SPAG16: variants seen among roughly 807,000 people sequenced by gnomAD.
SPAG16 encodes the protein sperm-associated antigen 16 protein.
SPAG16 carries 86 observed loss-of-function variants against 80.4 expected under a neutral mutation model. That is an observed-to-expected ratio of 1.07 (90% CI 0.90 to 1.28). The LOEUF is 1.28. Among genes scored for constraint, SPAG16 ranks in the 50% most tolerant of loss-of-function variants. The pLI is 0.00. For synonymous variants in SPAG16, 294 were observed against 265.9 expected, an observed-to-expected ratio of 1.11 and a Z score of -1.03; for missense variants, 870 against 765.3, an observed-to-expected ratio of 1.14 and a Z score of -1.61.
At chr2:213,528,468 G>A (rs577135712) in intron 10 of SPAG16, among the ~76,000 whole-genome samples, 1 of 152,202 alleles carries the variant, frequency 6.6e-6, no homozygotes, top group African/African-American at 2.4e-5. Context: ...AGATGTGTGT[G>A]TGTGTTCTAT....
intron 15 of SPAG16, among the ~76,000 whole-genome samples, chr2:214,279,211 C>T (rs187442237): frequency 6.6e-6 from 1 of 151,968 alleles, no homozygotes; most frequent in Non-Finnish European, 1.5e-5. Flanking sequence ...ATTCTCCTGC[C>T]TCAGCCTCCC....
At chr2:213,608,498 T>A (rs1017788578) in intron 10 of SPAG16, among the ~76,000 whole-genome samples, 1 of 152,242 alleles carries the variant, frequency 6.6e-6, no homozygotes, top group Non-Finnish European at 1.5e-5. Context: ...ACAAAGGACA[T>A]GAACTCATCA....
At chr2:214,310,357 T>A (rs1043782498) in intron 15 of SPAG16, among the ~76,000 whole-genome samples, 1 of 152,186 alleles carries the variant, frequency 6.6e-6, no homozygotes, top group African/African-American at 2.4e-5. Flanking sequence ...ATTCTGCTTG[T>A]TGTAGCTATA....
chr2:213,779,786 C>T (rs915154934), intron 10 of SPAG16, among the ~76,000 whole-genome samples: 3 of 152,038 alleles, frequency 2.0e-5, no homozygotes, highest in African/African-American at 4.8e-5. Context: ...TGAATCATAA[C>T]GATGATGTAA....
At chr2:213,913,896 G>A (rs1381803730) in intron 11 of SPAG16, among the ~76,000 whole-genome samples, 3 of 151,906 alleles carry the variant, frequency 2.0e-5, no homozygotes, top group Non-Finnish European at 2.9e-5. Flanking sequence ...TCTTATTTGG[G>A]GACCTTAGTG....
intron 14 of SPAG16, among the ~76,000 whole-genome samples, chr2:214,112,734 C>T (rs905005877): frequency 6.9e-6 from 1 of 145,836 alleles, no homozygotes; most frequent in African/African-American, 2.5e-5. Flanking sequence ...TGAGATGGGT[C>T]TCCTGAATAC....
chr2:213,688,767 A>G (rs2064806130), intron 10 of SPAG16, among the ~76,000 whole-genome samples: 1 of 151,990 alleles, frequency 6.6e-6, no homozygotes, highest in South Asian at 2.1e-4. Flanking sequence ...ATTGTTTTGA[A>G]TTCTATGCCT....
chr2:213,587,468 G>T (rs2060513138), intron 10 of SPAG16, among the ~76,000 whole-genome samples: 1 of 152,166 alleles, frequency 6.6e-6, no homozygotes, highest in Non-Finnish European at 1.5e-5. Flanking sequence ...CTTTGAAGTT[G>T]TTCTGCCCTA....
chr2:213,749,057 G>A (rs921507329), intron 10 of SPAG16, among the ~76,000 whole-genome samples: 1 of 152,108 alleles, frequency 6.6e-6, no homozygotes, highest in Non-Finnish European at 1.5e-5. Flanking sequence ...TGAGGCAGGA[G>A]CATTGCTTGA....
At chr2:213,393,647 A>G (rs971128053) in intron 9 of SPAG16, among the ~76,000 whole-genome samples, 7 of 152,006 alleles carry the variant, frequency 4.6e-5, no homozygotes, top group Non-Finnish European at 1.0e-4. Flanking sequence ...ACACAAACCT[A>G]GGGGTGGAAT....
At position 213,637,646 on chromosome 2, in the gene SPAG16, C is replaced by CT. The variant is rs904097078; in HGVS notation, c.1070+147564dup. 1.4e-4 allele frequency among the ~76,000 whole-genome samples: 22 copies of CT among 151,910 alleles called. No individual in the cohort carries two copies. The South Asian group carries it at 1.7e-3, about 11-fold the overall frequency. On this transcript the variant is annotated intron_variant, in intron 10 of 15. Transcript: ENST00000331683. ...TTGTTATTGGTCTGTTGAGAGTTTC[C>CT]TTTTTTTTCCTAGTTTAATCTAGGA...
chr2:214,219,986 C>T (rs1305229189), intron 15 of SPAG16, among the ~76,000 whole-genome samples: 1 of 151,906 alleles, frequency 6.6e-6, no homozygotes, highest in Non-Finnish European at 1.5e-5. Flanking sequence ...AGATACATTA[C>T]ATTTTGATTA....
chr2:213,702,870 C>G (rs991001776), intron 10 of SPAG16, among the ~76,000 whole-genome samples: 3 of 152,164 alleles, frequency 2.0e-5, no homozygotes, highest in Non-Finnish European at 4.4e-5. Flanking sequence ...GGAAGCCTAA[C>G]AATAGTACTA....
intron 10 of SPAG16, among the ~76,000 whole-genome samples, chr2:213,692,258 A>C (rs1037858449): frequency 6.6e-6 from 1 of 152,202 alleles, no homozygotes; most frequent in Admixed American, 6.5e-5. Context: ...ATATAACCAC[A>C]ATGTTCAATA....
intron 11 of SPAG16, among the ~76,000 whole-genome samples, chr2:213,925,136 G>GT (rs896812220): frequency 4.3e-4 from 3 of 7,026 alleles, no homozygotes; most frequent in African/African-American, 4.7e-4. Flanking sequence ...TATCATTATT[G>GT]TTTTTTTTTA....
intron 15 of SPAG16, among the ~76,000 whole-genome samples, chr2:214,236,741 A>G (rs1316636520): frequency 2.6e-5 from 4 of 152,166 alleles, no homozygotes; most frequent in Non-Finnish European, 5.9e-5. Context: ...TAGCAATCAT[A>G]TATAGGGATT....
chr2:213,904,473 C>A (rs1253807988), intron 11 of SPAG16, among the ~76,000 whole-genome samples: 1 of 151,924 alleles, frequency 6.6e-6, no homozygotes, highest in Non-Finnish European at 1.5e-5. Context: ...GAAACCATCC[C>A]CATGATGCAA....
intron 13 of SPAG16, among the ~76,000 whole-genome samples, chr2:214,051,890 C>G (rs1037647244): frequency 6.6e-6 from 1 of 152,162 alleles, no homozygotes; most frequent in East Asian, 1.9e-4. Context: ...CATCATTAGA[C>G]GTACTTCATA....
At chr2:214,393,662 C>T (rs978425868) in intron 15 of SPAG16, among the ~76,000 whole-genome samples, 1 of 151,790 alleles carries the variant, frequency 6.6e-6, no homozygotes, top group African/African-American at 2.4e-5. Context: ...ATCTCTTTTG[C>T]GTTTGATTGG....
Sources: allele counts gnomAD v4.1 joint callset (sites outside exome capture counted in the v4.1 genomes callset), GRCh38; gene constraint gnomAD v4.1.1; transcripts MANE v1.5; gene names NCBI Gene and HGNC (gene_info 2026-07-23, HGNC 2026-07-21).